Variants in IFT25 observed in about 807,000 individuals in gnomAD.
The protein encoded by IFT25 is intraflagellar transport 25, also known as intraflagellar transport protein 25 homolog.
the IFT25 span, among the ~76,000 whole-genome samples, chr1:53,922,092 T>C: frequency 6.6e-6 from 1 of 152,256 alleles, no homozygotes; most frequent in East Asian, 1.9e-4. Context: ...CATGCCCAGT[T>C]TCTAATTTTT....
chr1:53,927,278 C>G, the IFT25 span, among the ~76,000 whole-genome samples: 1 of 152,200 alleles, frequency 6.6e-6, no homozygotes, highest in South Asian at 2.1e-4. Flanking sequence ...CAGAAATGAG[C>G]TGGCCTTTGT....
chr1:53,929,934 T>C, the IFT25 span: 270 of 1,406,556 alleles, frequency 1.9e-4, 4 homozygotes, highest in South Asian at 4.1e-3. Flanking sequence ...TTTACATATA[T>C]GCCTTCTGCC....
the IFT25 span, chr1:53,923,909 TTTC>T: frequency 6.3e-7 from 1 of 1,582,256 alleles, no homozygotes; most frequent in Non-Finnish European, 8.7e-7. Context: ...CTTACCACAA[TTTC>T]TTCATTTTGA....
At chr1:53,919,374 C>A in the IFT25 span, among the ~76,000 whole-genome samples, 30,905 of 152,016 alleles carry the variant, frequency 0.2, 4,447 homozygotes, top group African/African-American at 0.42. Flanking sequence ...TCTGAAAAAG[C>A]CTGGGTTAGC....
At chr1:53,935,849 ATTATT>A in the IFT25 span, among the ~76,000 whole-genome samples, 1 of 152,092 alleles carries the variant, frequency 6.6e-6, no homozygotes, top group East Asian at 1.9e-4. Flanking sequence ...TCATATTTAT[ATTATT>A]TTAAATTTTA....
chr1:53,945,205 C>G, the IFT25 span, among the ~76,000 whole-genome samples: 1 of 152,210 alleles, frequency 6.6e-6, no homozygotes, highest in South Asian at 2.1e-4. Flanking sequence ...TGCCCCCGAC[C>G]TTAGGTACAA....
chr1:53,932,774 C>T, the IFT25 span, among the ~76,000 whole-genome samples: 1 of 152,164 alleles, frequency 6.6e-6, no homozygotes, highest in African/African-American at 2.4e-5. Context: ...TCATGTTGTC[C>T]AGGCTGGTCT....
the IFT25 span, among the ~76,000 whole-genome samples, chr1:53,944,158 TTTTC>T: frequency 6.6e-6 from 1 of 152,312 alleles, no homozygotes; most frequent in South Asian, 2.1e-4. Context: ...AGAGACTTGG[TTTTC>T]TTTAAGGTTC....
the IFT25 span, among the ~76,000 whole-genome samples, chr1:53,936,652 AGTAATATAT>A: frequency 6.6e-6 from 1 of 152,180 alleles, no homozygotes; most frequent in East Asian, 1.9e-4. Context: ...AGGCTCAAAG[AGTAATATAT>A]GTACTCTTTG....
At chr1:53,926,380 G>A in the IFT25 span, among the ~76,000 whole-genome samples, 1 of 152,144 alleles carries the variant, frequency 6.6e-6, no homozygotes, top group African/African-American at 2.4e-5. Context: ...TTGAATTCCT[G>A]AGATCAAACG....
chr1:53,935,491 T>C, the IFT25 span, among the ~76,000 whole-genome samples: 1 of 150,814 alleles, frequency 6.6e-6, no homozygotes, highest in South Asian at 2.1e-4. Context: ...CGTTCTAAAA[T>C]TGATTGTGGA....
the IFT25 span, among the ~76,000 whole-genome samples, chr1:53,932,109 T>A: frequency 6.6e-6 from 1 of 152,208 alleles, no homozygotes; most frequent in Non-Finnish European, 1.5e-5. Context: ...CCCAGCACTC[T>A]GGGAGGCTAA....
the IFT25 span, among the ~76,000 whole-genome samples, chr1:53,920,962 C>T: frequency 6.6e-6 from 1 of 152,184 alleles, no homozygotes; most frequent in Non-Finnish European, 1.5e-5. Context: ...CGCTTGAGCT[C>T]AGGAGTTTGA....
the IFT25 span, among the ~76,000 whole-genome samples, chr1:53,941,935 T>C: frequency 6.6e-6 from 1 of 152,228 alleles, no homozygotes; most frequent in Non-Finnish European, 1.5e-5. Flanking sequence ...ATGAATTGGG[T>C]GATAGCTAGT....
the IFT25 span, among the ~76,000 whole-genome samples, chr1:53,933,625 A>G: frequency 1.3e-5 from 2 of 152,300 alleles, no homozygotes; most frequent in East Asian, 1.9e-4. Context: ...TTTAAAGTGC[A>G]TATCTTTTAG....
the IFT25 span, among the ~76,000 whole-genome samples, chr1:53,941,529 T>A: frequency 6.6e-6 from 1 of 152,224 alleles, no homozygotes; most frequent in East Asian, 1.9e-4. Flanking sequence ...AACATATATT[T>A]TAATTTTTTG....
At chr1:53,927,224 T>C in the IFT25 span, among the ~76,000 whole-genome samples, 2 of 152,232 alleles carry the variant, frequency 1.3e-5, no homozygotes, top group Non-Finnish European at 2.9e-5. Context: ...GAAAACTGTG[T>C]GCATGAGCCA....
At chr1:53,925,990 TA>T in the IFT25 span, among the ~76,000 whole-genome samples, 16 of 146,512 alleles carry the variant, frequency 1.1e-4, no homozygotes, top group Admixed American at 1.1e-3. Flanking sequence ...TAATTCCAGC[TA>T]CTCAGGAGGC....
chr1:53,938,568 CCT>C, the IFT25 span, among the ~76,000 whole-genome samples: 1 of 152,304 alleles, frequency 6.6e-6, no homozygotes, highest in Non-Finnish European at 1.5e-5. Flanking sequence ...AATCATAAAA[CCT>C]CTGTTACAAC....
Sources: gnomAD v4.1 joint callset for allele counts (sites outside exome capture counted in the v4.1 genomes callset) on GRCh38, gnomAD v4.1.1 for gene constraint, MANE v1.5 for transcripts, NCBI Gene and HGNC (gene_info 2026-07-23, HGNC 2026-07-21) for gene names.